Variants in SGCZ observed in about 807,000 individuals in gnomAD.
The protein encoded by SGCZ is zeta-sarcoglycan.
Under a neutral mutation model 41.3 loss-of-function variants are expected in SGCZ, and 40 were observed. The observed-to-expected ratio is 0.97, with a 90% CI of 0.75 to 1.26. The LOEUF is 1.26. SGCZ is among the 50% of genes most tolerant of loss of function. The pLI is 0.00. For synonymous variants in SGCZ, 206 were observed against 137.5 expected (o/e 1.50, Z -3.49); for missense variants, 552 against 369.8 (o/e 1.49, Z -4.04).
chr8:14,872,266 A>G (rs1163008836), intron 1 of SGCZ, among the ~76,000 whole-genome samples: 1 of 152,120 alleles, frequency 6.6e-6, no homozygotes, highest in Non-Finnish European at 1.5e-5. Context: ...ATGTATACCT[A>G]TGTAACAAAC....
At chr8:15,164,826 C>A (rs1208291969) in intron 1 of SGCZ, among the ~76,000 whole-genome samples, 1 of 152,026 alleles carries the variant, frequency 6.6e-6, no homozygotes, top group African/African-American at 2.4e-5. Context: ...TTACATCTTG[C>A]GGGTATGGCT....
intron 1 of SGCZ, among the ~76,000 whole-genome samples, chr8:14,607,610 C>G (rs1000526246): frequency 6.6e-6 from 1 of 152,150 alleles, no homozygotes; most frequent in Non-Finnish European, 1.5e-5. Flanking sequence ...TTTCAATTAA[C>G]TGTCTAGACT....
chr8:14,668,799 T>A (rs1807997169), intron 1 of SGCZ, among the ~76,000 whole-genome samples: 1 of 152,180 alleles, frequency 6.6e-6, no homozygotes. Context: ...ATTTTATTTT[T>A]AAAAAATTTG....
intron 5 of SGCZ, among the ~76,000 whole-genome samples, chr8:14,164,255 A>G (rs1782146913): frequency 6.6e-6 from 1 of 152,158 alleles, no homozygotes; most frequent in African/African-American, 2.4e-5. Flanking sequence ...ATTTTAAAAT[A>G]ATACTCCCAA....
chr8:14,706,792 T>C (rs1809344119), intron 1 of SGCZ, among the ~76,000 whole-genome samples: 1 of 152,084 alleles, frequency 6.6e-6, no homozygotes, highest in South Asian at 2.1e-4. Flanking sequence ...AATATGACAA[T>C]ATTATACTTT....
At chr8:14,287,372 A>C (rs1800677395) in intron 3 of SGCZ, among the ~76,000 whole-genome samples, 1 of 151,956 alleles carries the variant, frequency 6.6e-6, no homozygotes, top group African/African-American at 2.4e-5. Flanking sequence ...CCTCTATTTG[A>C]CTTTGCTTAA....
chr8:14,978,824 G>A (rs1027424789), intron 1 of SGCZ, among the ~76,000 whole-genome samples: 10 of 152,098 alleles, frequency 6.6e-5, no homozygotes, highest in African/African-American at 2.4e-4. Flanking sequence ...TTTGAGATGG[G>A]GTCTCAGTCT....
At chr8:15,212,870 C>T (rs370855385) in intron 1 of SGCZ, among the ~76,000 whole-genome samples, 1 of 152,014 alleles carries the variant, frequency 6.6e-6, no homozygotes. Flanking sequence ...AAAAAGGAGA[C>T]AGTATTAACC....
intron 3 of SGCZ, among the ~76,000 whole-genome samples, chr8:14,285,807 TAA>T (rs989525979): frequency 6.6e-6 from 1 of 151,990 alleles, no homozygotes; most frequent in Non-Finnish European, 1.5e-5. Context: ...TCAATATCAG[TAA>T]AGAGTGGAGA....
In SGCZ at chr8:14,673,697, A is replaced by G. The variant is rs796914964; in HGVS notation, c.40-118771T>C. 9.8e-5 allele frequency among the ~76,000 whole-genome samples: 15 copies of G among 152,320 alleles called. 1 individual carries two copies. Among genetic ancestry groups the G allele is most frequent in the African/African-American group, 3.6e-4 (15 of 41,582 alleles). Reference sequence around the variant, plus strand: ...GGAATCAGATTTATAAATGCTTAATATGACTTGAATAAATGAACGAATAAA... The same window carrying G: ...GGAATCAGATTTATAAATGCTTAATGTGACTTGAATAAATGAACGAATAAA... On this transcript the variant is annotated intron_variant, in intron 1 of 7. Transcript: ENST00000382080.
chr8:14,835,121 A>C (rs541060080), intron 1 of SGCZ, among the ~76,000 whole-genome samples: 1 of 151,478 alleles, frequency 6.6e-6, no homozygotes, highest in Admixed American at 6.7e-5. Context: ...AAGTTTACTC[A>C]AGACATCTGT....
At chr8:14,274,164 T>C (rs944457958) in intron 3 of SGCZ, among the ~76,000 whole-genome samples, 6 of 152,128 alleles carry the variant, frequency 3.9e-5, no homozygotes, top group African/African-American at 1.2e-4. Flanking sequence ...TCTTATGCTA[T>C]TGTTGTTTTT....
intron 1 of SGCZ, among the ~76,000 whole-genome samples, chr8:14,575,905 C>CAA (rs71209062): frequency 1.6e-5 from 2 of 127,550 alleles, no homozygotes; most frequent in Non-Finnish European, 3.2e-5. Flanking sequence ...GACCCTGTCT[C>CAA]AAAATAACAA....
At chr8:14,927,210 G>T (rs1024711059) in intron 1 of SGCZ, among the ~76,000 whole-genome samples, 1 of 145,972 alleles carries the variant, frequency 6.9e-6, no homozygotes, top group African/African-American at 2.5e-5. Flanking sequence ...CGAGGTTGAC[G>T]CCATTCTCCT....
chr8:15,119,570 T>TTTTTTTTTTTTTTTTTTTTTTTTGAG (rs1473929167), intron 1 of SGCZ, among the ~76,000 whole-genome samples: 1 of 151,870 alleles, frequency 6.6e-6, no homozygotes, highest in African/African-American at 2.4e-5. Context: ...AATTTTCTAT[T>TTTTTTTTTTTTTTTTTTTTTTTTGAG]ATAACATGTC....
intron 7 of SGCZ, among the ~76,000 whole-genome samples, chr8:14,095,431 CG>C (rs1255039312): frequency 3.9e-5 from 6 of 151,946 alleles, no homozygotes; most frequent in Non-Finnish European, 7.4e-5. Context: ...TTCAGATGGT[CG>C]TAGATGTATG....
intron 5 of SGCZ, chr8:14,161,392 C>T (rs1039214859): frequency 6.6e-6 from 1 of 152,074 alleles, no homozygotes; most frequent in African/African-American, 2.4e-5. Flanking sequence ...TGTCTATGTG[C>T]CTATGTGTAT....
intron 2 of SGCZ, among the ~76,000 whole-genome samples, chr8:14,519,067 T>TAA (rs58653228): frequency 0.014 from 1,581 of 113,548 alleles, 32 homozygotes; most frequent in Middle Eastern, 0.037. Flanking sequence ...AGACTCTGTC[T>TAA]AAAAAAAAAA....
chr8:15,041,541 T>C (rs1339490275), intron 1 of SGCZ, among the ~76,000 whole-genome samples: 4 of 152,090 alleles, frequency 2.6e-5, no homozygotes, highest in Admixed American at 6.5e-5. Context: ...TACATACACC[T>C]AGAAAGCGGG....
Sources: allele counts gnomAD v4.1 joint callset (sites outside exome capture counted in the v4.1 genomes callset), GRCh38; gene constraint gnomAD v4.1.1; transcripts MANE v1.5; gene names NCBI Gene and HGNC (gene_info 2026-07-23, HGNC 2026-07-21).